EPHA4: variants seen among roughly 807,000 people sequenced by gnomAD.
The protein encoded by EPHA4 is EPH receptor A4.
In EPHA4, 19 loss-of-function variants were observed where a neutral mutation model predicts 108.3. The ratio of observed to expected loss-of-function variants is 0.18; its 90% CI spans 0.12 to 0.26. EPHA4 has a LOEUF of 0.26. Ranked by LOEUF, EPHA4 falls within the 10% of genes least tolerant of loss-of-function variation. The pLI is 1.00. For missense variants in EPHA4, 917 were observed against 1,254.0 expected (o/e 0.73, Z 4.06); for synonymous variants, 449 against 455.5 (o/e 0.99, Z 0.18).
At chr2:221,510,794 A>T (rs536195565) in intron 3 of EPHA4, among the ~76,000 whole-genome samples, 12 of 152,220 alleles carry the variant, frequency 7.9e-5, no homozygotes, top group Non-Finnish European at 1.6e-4. Flanking sequence ...TGATTATTTG[A>T]GGAGCTATTT....
chr2:221,426,387 T>C, intron 16 of EPHA4, 77 bp downstream of exon 16: 1 of 1,496,014 alleles, frequency 6.7e-7, no homozygotes, highest in Non-Finnish European at 8.9e-7. Context: ...GTAGGATGAT[T>C]ACGCAGCTCA....
At chr2:221,489,956 GGAAACATGGT>G (rs1692090833) in intron 4 of EPHA4, among the ~76,000 whole-genome samples, 1 of 151,934 alleles carries the variant, frequency 6.6e-6, no homozygotes, top group African/African-American at 2.4e-5. Flanking sequence ...GATCAGCCTG[GGAAACATGGT>G]GAAACCCTGT....
chr2:221,499,752 A>T (rs1218584088), intron 4 of EPHA4, among the ~76,000 whole-genome samples: 1,276 of 41,062 alleles, frequency 0.031, 81 homozygotes, highest in East Asian at 0.05. Flanking sequence ...ATATATATAT[A>T]TATATTTTTT....
At chr2:221,488,198 T>G (rs1450546521) in intron 4 of EPHA4, among the ~76,000 whole-genome samples, 1 of 152,176 alleles carries the variant, frequency 6.6e-6, no homozygotes, top group Non-Finnish European at 1.5e-5. Context: ...AAATTGACCT[T>G]CAGACCATTT....
chr2:221,564,966 C>T (rs1574664169), intron 2 of EPHA4, among the ~76,000 whole-genome samples: 1 of 150,950 alleles, frequency 6.6e-6, no homozygotes, highest in African/African-American at 2.4e-5. Flanking sequence ...AAGAAAATCC[C>T]ACCATTCTGG....
chr2:221,437,880 G>A (rs866365873), intron 11 of EPHA4, among the ~76,000 whole-genome samples: 4 of 117,280 alleles, frequency 3.4e-5, no homozygotes, highest in South Asian at 3.3e-4. Flanking sequence ...CCGAGATTGC[G>A]TCATTACACT....
chr2:221,524,696 C>A (rs1693270687), intron 3 of EPHA4, among the ~76,000 whole-genome samples: 1 of 152,336 alleles, frequency 6.6e-6, no homozygotes, highest in African/African-American at 2.4e-5. Context: ...AACGGCTTGA[C>A]TTAACCTGGG....
At chr2:221,421,202 CAGG>C (rs778555170) in intron 17 of EPHA4, among the ~76,000 whole-genome samples, 51 of 151,654 alleles carry the variant, frequency 3.4e-4, no homozygotes, top group Non-Finnish European at 6.6e-4. Flanking sequence ...GAGGCTGAGG[CAGG>C]AGGAGAATGG....
chr2:221,497,118 G>A (rs1280615435), intron 4 of EPHA4, among the ~76,000 whole-genome samples: 1 of 152,162 alleles, frequency 6.6e-6, no homozygotes, highest in African/African-American at 2.4e-5. Context: ...AACCTGCTGT[G>A]GAGGCAGTTT....
chr2:221,439,156 A>C (rs1690335579), intron 11 of EPHA4, among the ~76,000 whole-genome samples: 2 of 152,310 alleles, frequency 1.3e-5, no homozygotes, highest in Admixed American at 1.3e-4. Context: ...TGAGGAAAGA[A>C]GGCTGGTAGA....
Position 221,426,623 on chromosome 2 carries a change from G to C in EPHA4, c.2691-4C>G. 1 of 1,609,698 alleles carries C rather than the reference G, an allele frequency of 6.2e-7. No individual in the cohort carries two copies. Among genetic ancestry groups the C allele is most frequent in the Non-Finnish European group, 8.5e-7 (1 of 1,178,978 alleles). ...ATCCAACAAGGCAGTGTTAGGTCTA[G>C]AAAGAGAACAAGAAAATATAAGCAG... On this transcript the variant is annotated splice_polypyrimidine_tract_variant and splice_region_variant and intron_variant, in intron 15 of 17. Coordinates refer to ENST00000281821, the MANE Select transcript of EPHA4 (RefSeq NM_004438.5).
intron 5 of EPHA4, among the ~76,000 whole-genome samples, chr2:221,470,348 A>AGAGAGAGAG (rs971568564): frequency 1.1e-4 from 16 of 151,602 alleles, no homozygotes; most frequent in Admixed American, 2.6e-4. Flanking sequence ...GGGGAGAGAG[A>AGAGAGAGAG]GAGAGAGAGA....
chr2:221,434,906 A>G (rs1372064365), intron 13 of EPHA4, among the ~76,000 whole-genome samples: 1 of 152,208 alleles, frequency 6.6e-6, no homozygotes, highest in Non-Finnish European at 1.5e-5. Flanking sequence ...AATTAAAAAA[A>G]AAAGACTTGT....
intron 10 of EPHA4, among the ~76,000 whole-genome samples, 165 bp from the exon 11 acceptor site, chr2:221,443,179 T>G (rs1470437639): frequency 6.6e-6 from 1 of 152,176 alleles, no homozygotes; most frequent in African/African-American, 2.4e-5. Context: ...GATGCTACTA[T>G]TAGCCCCATT....
At chr2:221,536,866 T>C (rs1210028799) in intron 3 of EPHA4, among the ~76,000 whole-genome samples, 1 of 152,178 alleles carries the variant, frequency 6.6e-6, no homozygotes, top group Non-Finnish European at 1.5e-5. Flanking sequence ...TCCTCATCTA[T>C]GAAAAGAGGA....
chr2:221,536,188 C>A (rs1003255241), intron 3 of EPHA4, among the ~76,000 whole-genome samples: 1 of 152,190 alleles, frequency 6.6e-6, no homozygotes, highest in African/African-American at 2.4e-5. Context: ...CTGTGGATGA[C>A]CTTGTCCAGT....
At chr2:221,458,606 A>G (rs1443784778) in intron 5 of EPHA4, among the ~76,000 whole-genome samples, 9 of 152,220 alleles carry the variant, frequency 5.9e-5, no homozygotes. Flanking sequence ...CATGCGTGGC[A>G]TTTTGCAGCT....
At chr2:221,434,017 T>A (rs1247275825) in intron 14 of EPHA4, 125 bp downstream of exon 14, 1 of 895,686 alleles carries the variant, frequency 1.1e-6, no homozygotes, top group Non-Finnish European at 1.7e-6. Flanking sequence ...TTGCTAGATA[T>A]ATCTGTATTA....
intron 3 of EPHA4, among the ~76,000 whole-genome samples, chr2:221,561,634 C>T (rs1216562619): frequency 6.6e-6 from 1 of 152,202 alleles, no homozygotes; most frequent in Non-Finnish European, 1.5e-5. Flanking sequence ...CTGGATCCCC[C>T]AAGACTATTT....
Sources: allele counts gnomAD v4.1 joint callset (sites outside exome capture counted in the v4.1 genomes callset), GRCh38; gene constraint gnomAD v4.1.1; transcripts MANE v1.5; gene names NCBI Gene and HGNC (gene_info 2026-07-23, HGNC 2026-07-21).